Variants in NPC1 observed in about 807,000 individuals in gnomAD.
The protein encoded by NPC1 is Niemann-Pick C1 protein.
Under a neutral mutation model 140.4 loss-of-function variants are expected in NPC1, and 85 were observed. That is an observed-to-expected ratio of 0.61 (90% confidence interval 0.51 to 0.72). The LOEUF is 0.72. Among genes scored for constraint, NPC1 ranks in the 30% least tolerant of loss-of-function variants. The pLI is 0.00. For missense variants in NPC1, 1,504 were observed against 1,623.8 expected (o/e 0.93, Z 1.27); for synonymous variants, 656 against 624.8 (o/e 1.05, Z -0.74).
At chr18:23,524,247 C>G in intron 1 of NPC1, 2 of 1,570,738 alleles carry the variant, frequency 1.3e-6, no homozygotes, top group Non-Finnish European at 1.7e-6. Context: ...TCCTGAAGTC[C>G]TCCTCCGGGC....
At position 23,557,371 on chromosome 18, in the gene NPC1, GA is replaced by G. The variant is rs1420649674; in HGVS notation, c.882-182del. 7.9e-5 allele frequency among the ~76,000 whole-genome samples: 12 copies of G among 152,290 alleles called. No individual in the cohort carries two copies. In the East Asian group the frequency reaches 2.3e-3, roughly 29 times the overall value. ...GTCCCTCTGCTCACCAGTCTCAGGA[GA>G]AAATTTAAGAAGATGTTAAGAGAAC... On this transcript the variant is annotated intron_variant, in intron 6 of 24. Coordinates refer to ENST00000269228, the MANE Select transcript of NPC1 (RefSeq NM_000271.5).
At chr18:23,550,647 A>G (rs981789837) in intron 10 of NPC1, among the ~76,000 whole-genome samples, 1 of 151,716 alleles carries the variant, frequency 6.6e-6, no homozygotes, top group African/African-American at 2.4e-5. Flanking sequence ...ACACCCAGCT[A>G]ATTTTTTAAA....
Position 23,536,770 on chromosome 18 carries a change from C to T in NPC1, c.3148G>A (p.Asp1050Asn). The T allele has an allele frequency of 1.2e-6, 2 of 1,614,162 alleles. No individual in the cohort carries two copies. Among genetic ancestry groups the T allele is most frequent in the Non-Finnish European group, 1.7e-6 (2 of 1,180,016 alleles). ...TYHTVLQTSA[D>N]FIDALKKARL... ...GCTTTCTTCAGAGCGTCAATAAAGT[C>T]AGCAGAGGTCTGCAGCACGGTGTGG... Residue 1050 changes from aspartate to asparagine, a missense_variant, in exon 21 of 25, where the codon GAC (aspartate) becomes AAC (asparagine). By Grantham distance (23) the Asp-to-Asn change is conservative (BLOSUM62 1). Transcript: ENST00000269228.
At chr18:23,515,467 G>T (rs2145183554) in intron 3 of NPC1, among the ~76,000 whole-genome samples, 1 of 152,306 alleles carries the variant, frequency 6.6e-6, no homozygotes, top group South Asian at 2.1e-4. Flanking sequence ...TTCACTTAGT[G>T]GGTTTCTTCT....
chr18:23,541,574 C>T (rs1194370807), intron 14 of NPC1, 141 bp from the exon 15 acceptor site: 7 of 1,092,838 alleles, frequency 6.4e-6, no homozygotes, highest in South Asian at 2.7e-5. Flanking sequence ...CTGGACATTA[C>T]ACCAGAAGTG....
intron 14 of NPC1, among the ~76,000 whole-genome samples, chr18:23,542,053 C>A (rs1241908473): frequency 6.6e-6 from 1 of 152,080 alleles, no homozygotes; most frequent in African/African-American, 2.4e-5. Context: ...AAAACAACAA[C>A]AACAACACAG....
rs557751901 is a variant in NPC1 at position 23,578,454 on chromosome 18, CT to C, written c.58-4881del. On this transcript the variant is annotated intron_variant, in intron 1 of 24. Transcript: ENST00000269228. ...GTGCAAGAGCACGAGCACCTGTGCA[CT>C]CAACAGCTGCACAATGGGAGCTGCT... 3.5e-4 allele frequency among the ~76,000 whole-genome samples: 53 copies of C among 152,352 alleles called. No individual in the cohort carries two copies. The South Asian group carries it at 6.4e-3, about 18-fold the overall frequency.
intron 1 of NPC1, among the ~76,000 whole-genome samples, chr18:23,583,531 T>C (rs555528232): frequency 1.3e-5 from 2 of 152,180 alleles, no homozygotes; most frequent in Non-Finnish European, 2.9e-5. Context: ...TCAATTTGAC[T>C]GGAGAGCTGA....
chr18:23,531,936 C>T lies in NPC1; in HGVS notation c.*266G>A. On this transcript the variant is annotated 3_prime_UTR_variant, in exon 25 of 25. Transcript: ENST00000269228. Reference sequence around the variant, plus strand: ...TCACATTCACAGCCATCTAGTGTCACCTCCTGCTTGCCAAAGAATGAGGTT... The same window carrying T: ...TCACATTCACAGCCATCTAGTGTCATCTCCTGCTTGCCAAAGAATGAGGTT... The T allele has an allele frequency of 6.9e-7, 1 of 1,444,386 alleles. No homozygotes were observed. Among genetic ancestry groups the T allele is most frequent in the Non-Finnish European group, 9.0e-7 (1 of 1,106,540 alleles). 89.5% of individuals were successfully genotyped at this position (1,444,386 alleles called of 1,614,324 possible).
At chr18:23,535,284 C>G (rs1161722115) in intron 22 of NPC1, among the ~76,000 whole-genome samples, 185 bp downstream of exon 22, 1 of 152,178 alleles carries the variant, frequency 6.6e-6, no homozygotes. Context: ...CTCGCTCCCT[C>G]TATGCCCTGT....
chr18:23,567,738 T>C (rs1347615744), intron 4 of NPC1, among the ~76,000 whole-genome samples: 2 of 152,202 alleles, frequency 1.3e-5, no homozygotes, highest in African/African-American at 4.8e-5. Flanking sequence ...TTCAACTTAC[T>C]ACGTACTGCA....
intron 1 of NPC1, among the ~76,000 whole-genome samples, chr18:23,576,236 A>C (rs949110717): frequency 1.3e-5 from 2 of 151,730 alleles, no homozygotes; most frequent in East Asian, 3.8e-4. Context: ...AAACAAACAA[A>C]AAAACAAAAC....
chr18:23,554,712 C>A lies in NPC1; in HGVS notation c.1553+46G>T, dbSNP rs1164783789. The stretch of plus-strand genomic sequence containing the variant: ...AAGCTTTTGCCCATGTACCCTAAGT[C>A]AGACCCAAGAATGGTGTCTACCAAT... On this transcript the variant is annotated intron_variant, in intron 9 of 24. Coordinates refer to ENST00000269228, the MANE Select transcript of NPC1 (RefSeq NM_000271.5). The A allele has an allele frequency of 5.4e-6, 8 of 1,488,018 alleles. No homozygotes were observed. The South Asian group carries it at 9.2e-5, about 17-fold the overall frequency. 92.2% of individuals were successfully genotyped at this position (1,488,018 alleles called of 1,614,324 possible). A position where few individuals can be genotyped will look rare whatever the true frequency, so the allele number is the denominator to read the frequency against.
At chr18:23,531,015 GAC>G (rs201824191), downstream of NPC1, among the ~76,000 whole-genome samples, 7 of 151,394 alleles carry the variant, frequency 4.6e-5, no homozygotes, top group African/African-American at 1.7e-4. Context: ...TTTTTTTTGA[GAC>G]AGAGTCTCGC....
chr18:23,563,615 T>C (rs1292967942), intron 4 of NPC1, among the ~76,000 whole-genome samples: 1 of 152,196 alleles, frequency 6.6e-6, no homozygotes, highest in African/African-American at 2.4e-5. Context: ...AGTTTCACCA[T>C]GCTGCCCAGG....
intron 3 of NPC1, among the ~76,000 whole-genome samples, chr18:23,514,321 C>A (rs1333581785): frequency 1.3e-5 from 2 of 152,192 alleles, no homozygotes; most frequent in Non-Finnish European, 2.9e-5. Context: ...TCGAGACCAG[C>A]CTGGCCGCCA....
intron 4 of NPC1, among the ~76,000 whole-genome samples, chr18:23,566,248 T>C (rs2059121564): frequency 6.6e-6 from 1 of 151,996 alleles, no homozygotes; most frequent in Non-Finnish European, 1.5e-5. Context: ...TTGTTTTTAA[T>C]TAGCTAGGTG....
At position 23,540,485 on chromosome 18, in the gene NPC1, A is replaced by T; in HGVS notation, c.2567T>A (p.Val856Glu). The change falls in exon 17 of 25, where the codon GTA (valine) becomes GAA (glutamate). Residue 856 changes from valine to glutamate, a missense_variant. Physicochemically the swap from Val to Glu is moderately radical, Grantham distance 121 (BLOSUM62 -2). Transcript: ENST00000269228. ...AAGAGACTGATCCAATCCAATATCT[A>T]CTTTGTTCAGGACTGCGATGCTGAA... is the stretch of plus-strand genomic sequence containing the variant. ...LSFSIAVLNK[V>E]DIGLDQSLSM... The T allele has an allele frequency of 6.2e-7, 1 of 1,613,054 alleles. No homozygotes were observed. Among genetic ancestry groups the T allele is most frequent in the Non-Finnish European group, 8.5e-7 (1 of 1,179,168 alleles).
chr18:23,522,791 G>A (rs2145228186), exon 2 of NPC1: 1 of 152,546 alleles, frequency 6.6e-6, no homozygotes, highest in African/African-American at 2.4e-5. Context: ...CATTTTCAGA[G>A]GTTAGTGACT....
Sources: gnomAD v4.1 joint callset for allele counts (sites outside exome capture counted in the v4.1 genomes callset) on GRCh38, gnomAD v4.1.1 for gene constraint, MANE v1.5 for transcripts, NCBI Gene and HGNC (gene_info 2026-07-23, HGNC 2026-07-21) for gene names.